Variants in LPAR1 observed in about 807,000 individuals in gnomAD.
LPAR1 encodes the protein lysophosphatidic acid receptor 1.
LPAR1 carries 5 observed loss-of-function variants against 23.8 expected under a neutral mutation model. That is an observed-to-expected ratio of 0.21 (90% CI 0.11 to 0.44). LPAR1 has a LOEUF of 0.44. Among genes scored for constraint, LPAR1 ranks in the 20% least tolerant of loss-of-function variants. The pLI, the probability that LPAR1 is intolerant of heterozygous loss-of-function variation, is 0.99. For missense variants in LPAR1, 311 were observed against 482.8 expected (o/e 0.64, Z 3.33); for synonymous variants, 160 against 164.7 (o/e 0.97, Z 0.22).
chr9:110,971,723 AC>A (rs201065234), intron 4 of LPAR1, among the ~76,000 whole-genome samples: 2 of 129,130 alleles, frequency 1.5e-5, no homozygotes, highest in African/African-American at 5.7e-5. Context: ...ATTAAACCCC[AC>A]CCCACCCCCC....
At chr9:110,903,197 CAGA>C (rs767056415) in intron 5 of LPAR1, 5 of 152,078 alleles carry the variant, frequency 3.3e-5, no homozygotes, top group African/African-American at 7.2e-5. Flanking sequence ...AGAGATGAAA[CAGA>C]AGAAGAACTT....
At chr9:110,917,682 T>C (rs1189619159) in intron 5 of LPAR1, among the ~76,000 whole-genome samples, 1 of 152,168 alleles carries the variant, frequency 6.6e-6, no homozygotes, top group Admixed American at 6.5e-5. Context: ...GAGAAATGTC[T>C]CTTTGGACTC....
At chr9:110,926,137 G>A (rs972792872) in intron 5 of LPAR1, among the ~76,000 whole-genome samples, 13 of 152,100 alleles carry the variant, frequency 8.5e-5, no homozygotes, top group African/African-American at 2.9e-4. Flanking sequence ...AGCCAGGATG[G>A]TCTCGATCTC....
intron 5 of LPAR1, among the ~76,000 whole-genome samples, chr9:110,884,036 C>G (rs185914339): frequency 6.7e-6 from 1 of 149,010 alleles, no homozygotes; most frequent in Non-Finnish European, 1.5e-5. Flanking sequence ...TCTCTCAGAA[C>G]ACTGTCTTCT....
intron 2 of LPAR1, among the ~76,000 whole-genome samples, chr9:110,978,782 C>G (rs2096610640): frequency 6.6e-6 from 1 of 152,106 alleles, no homozygotes; most frequent in African/African-American, 2.4e-5. Flanking sequence ...ATAGGTTTAA[C>G]AATAGTAACA....
chr9:110,975,054 A>C (rs2096526625), intron 2 of LPAR1, among the ~76,000 whole-genome samples: 1 of 152,170 alleles, frequency 6.6e-6, no homozygotes, highest in Non-Finnish European at 1.5e-5. Flanking sequence ...TGTGACATAA[A>C]TGAATATATC....
At chr9:110,903,740 T>C (rs1352078201) in intron 5 of LPAR1, among the ~76,000 whole-genome samples, 1 of 152,058 alleles carries the variant, frequency 6.6e-6, no homozygotes, top group Non-Finnish European at 1.5e-5. Flanking sequence ...AAATTGTTTT[T>C]AAAATAATGG....
intron 2 of LPAR1, among the ~76,000 whole-genome samples, chr9:111,023,701 A>G (rs1005430422): frequency 6.6e-6 from 1 of 152,234 alleles, no homozygotes; most frequent in Non-Finnish European, 1.5e-5. Flanking sequence ...AGACTAGATC[A>G]GTGTCTTTCA....
chr9:110,923,052 A>G (rs1193619008), intron 5 of LPAR1, among the ~76,000 whole-genome samples: 1 of 151,660 alleles, frequency 6.6e-6, no homozygotes, highest in Admixed American at 6.6e-5. Flanking sequence ...ATGCTTTGAC[A>G]TGGCAACACC....
chr9:110,910,130 A>T (rs1588268232), intron 5 of LPAR1, among the ~76,000 whole-genome samples: 1 of 152,166 alleles, frequency 6.6e-6, no homozygotes, highest in East Asian at 1.9e-4. Context: ...TAAGACTTTC[A>T]TAGCTGGAGA....
At chr9:111,028,644 G>C (rs1419412106) in intron 2 of LPAR1, among the ~76,000 whole-genome samples, 1 of 148,338 alleles carries the variant, frequency 6.7e-6, no homozygotes, top group Non-Finnish European at 1.5e-5. Flanking sequence ...CCAAGTAAAG[G>C]ACAAACTTGT....
chr9:110,915,983 G>C (rs2093042231), intron 5 of LPAR1, among the ~76,000 whole-genome samples: 1 of 148,880 alleles, frequency 6.7e-6, no homozygotes, highest in Non-Finnish European at 1.5e-5. Context: ...CAAACAAACA[G>C]GTAAGTATAC....
chr9:110,878,731 C>T (rs112208012), intron 5 of LPAR1, among the ~76,000 whole-genome samples: 43 of 152,294 alleles, frequency 2.8e-4, no homozygotes, highest in African/African-American at 1.0e-3. Flanking sequence ...GTGCATCTAC[C>T]TGACCACCAT....
At chr9:111,020,838 A>G (rs1288367903) in intron 2 of LPAR1, among the ~76,000 whole-genome samples, 1 of 152,188 alleles carries the variant, frequency 6.6e-6, no homozygotes, top group Non-Finnish European at 1.5e-5. Context: ...AACAAATTAA[A>G]AAAATCAACT....
intron 4 of LPAR1, among the ~76,000 whole-genome samples, chr9:110,947,065 G>A (rs2095409387): frequency 6.6e-6 from 1 of 152,086 alleles, no homozygotes; most frequent in Admixed American, 6.6e-5. Flanking sequence ...GAAAAACAGA[G>A]TGCAAAATAG....
chr9:110,896,650 G>A (rs1447282237), intron 5 of LPAR1, among the ~76,000 whole-genome samples: 1 of 152,120 alleles, frequency 6.6e-6, no homozygotes, highest in African/African-American at 2.4e-5. Context: ...CCCATAGTGA[G>A]GTTACTAGAT....
intron 2 of LPAR1, among the ~76,000 whole-genome samples, chr9:110,981,155 C>CTGAT (rs1482997370): frequency 6.6e-6 from 1 of 152,050 alleles, no homozygotes; most frequent in Non-Finnish European, 1.5e-5. Flanking sequence ...TCACAATCCC[C>CTGAT]TGATTTTCTT....
At chr9:111,003,142 G>C (rs773064265) in intron 2 of LPAR1, among the ~76,000 whole-genome samples, 18 of 152,162 alleles carry the variant, frequency 1.2e-4, no homozygotes, top group Non-Finnish European at 2.4e-4. Flanking sequence ...TATTATGATA[G>C]TTTGTATTTT....
intron 5 of LPAR1, among the ~76,000 whole-genome samples, chr9:110,887,745 T>C (rs1445656266): frequency 6.6e-6 from 1 of 152,170 alleles, no homozygotes; most frequent in Non-Finnish European, 1.5e-5. Context: ...GCTGATAAAA[T>C]TGACAACACC....
Sources: gnomAD v4.1 joint callset for allele counts (sites outside exome capture counted in the v4.1 genomes callset) on GRCh38, gnomAD v4.1.1 for gene constraint, MANE v1.5 for transcripts, NCBI Gene and HGNC (gene_info 2026-07-23, HGNC 2026-07-21) for gene names.